Variants in AGAP1 observed in about 807,000 individuals in gnomAD.
AGAP1 encodes arf-GAP with GTPase, ANK repeat and PH domain-containing protein 1.
A neutral mutation model predicts 105.3 loss-of-function variants in AGAP1; 29 were observed. The observed-to-expected ratio is 0.28, with a 90% CI of 0.21 to 0.38. The LOEUF is 0.38. Among genes scored for constraint, AGAP1 ranks in the 10% least tolerant of loss-of-function variants. The pLI is 1.00. For missense variants in AGAP1, 998 were observed against 1,165.1 expected (o/e 0.86, Z 2.09); for synonymous variants, 509 against 485.9 (o/e 1.05, Z -0.63).
chr2:236,119,718 G>A lies in AGAP1; in HGVS notation c.2115-474G>A, dbSNP rs1045921508. On this transcript the variant is annotated intron_variant, in intron 16 of 17. Transcript: ENST00000304032. The surrounding 1 kb of genome is among the most constrained non-coding windows in gnomAD (Gnocchi z 6.6). ...CGGCCCCGGAGACCGTGCTTCCATC[G>A]TGCTGGTCCCAGGCAGTAGGGTGGT... Among the ~76,000 whole-genome samples, 5 of 152,130 alleles carry A rather than the reference G, an allele frequency of 3.3e-5. No individual in the cohort carries two copies. The highest frequency in any genetic ancestry group is 4.8e-5 in the African/African-American group (2 of 41,420).
chr2:235,943,179 C>A (rs1167054349), intron 12 of AGAP1, among the ~76,000 whole-genome samples: 2 of 152,114 alleles, frequency 1.3e-5, no homozygotes, highest in African/African-American at 4.8e-5. Flanking sequence ...CTTTGTATTT[C>A]TGTGGTTTGC....
intron 6 of AGAP1, chr2:235,783,351 T>C (rs1472270536): frequency 2.1e-6 from 1 of 471,418 alleles, no homozygotes; most frequent in Admixed American, 2.3e-5. Flanking sequence ...CTTAATGTTC[T>C]AAAAGCTCTT....
At chr2:235,815,106 C>T (rs1032259806) in intron 9 of AGAP1, among the ~76,000 whole-genome samples, 4 of 152,180 alleles carry the variant, frequency 2.6e-5, no homozygotes, top group African/African-American at 9.6e-5. Context: ...GGAAGTGCCA[C>T]GCTCCCCTTT....
chr2:235,725,084 G>A lies in AGAP1; in HGVS notation c.310+7440G>A, dbSNP rs965860313. On this transcript the variant is annotated intron_variant, in intron 3 of 17. Coordinates refer to ENST00000304032, the MANE Select transcript of AGAP1 (RefSeq NM_001037131.3). This position sits in a 1 kb window ranked among gnomAD's most constrained non-coding sequence, Gnocchi z 5.7. ...ATTTTCCACTGTGTGTTTGGTTTCT[G>A]TTGCTTGTTCCAAGCTGCTGACGCG... is the stretch of plus-strand genomic sequence containing the variant. Among the ~76,000 whole-genome samples, 2 of 152,174 alleles carry A rather than the reference G, an allele frequency of 1.3e-5. No homozygotes were observed. Among genetic ancestry groups the A allele is most frequent in the African/African-American group, 4.8e-5 (2 of 41,448 alleles).
Position 235,712,806 on chromosome 2 carries a change from G to A in AGAP1, c.222+3569G>A, listed in dbSNP as rs183456929. Among the ~76,000 whole-genome samples the A allele has an allele frequency of 3.9e-5, 6 of 152,290 alleles. No individual in the cohort carries two copies. The highest frequency in any genetic ancestry group is 3.4e-3 in the Middle Eastern group (1 of 294). Reference sequence around the variant, plus strand: ...TCCTCCTCATGTAGCTCTTTGGCTCGCTCTGGATTGATTTCCTCCGTCTTG... The same window carrying A: ...TCCTCCTCATGTAGCTCTTTGGCTCACTCTGGATTGATTTCCTCCGTCTTG... On this transcript the variant is annotated intron_variant, in intron 2 of 17. Transcript: ENST00000304032. The surrounding 1 kb of genome is among the most constrained non-coding windows in gnomAD (Gnocchi z 6.0).
intron 15 of AGAP1, among the ~76,000 whole-genome samples, chr2:236,047,894 C>T (rs887323633): frequency 2.2e-4 from 33 of 151,962 alleles, no homozygotes; most frequent in Non-Finnish European, 4.1e-4. Context: ...GAGCCACCAC[C>T]GCACCCAGCC....
chr2:235,965,396 G>T lies in AGAP1; in HGVS notation c.1484-3066G>T, dbSNP rs1025877093. On this transcript the variant is annotated intron_variant, in intron 12 of 17. Transcript: ENST00000304032. The surrounding 1 kb of genome is among the most constrained non-coding windows in gnomAD (Gnocchi z 5.8). Reference sequence around the variant, plus strand: ...GGAAAGGAAGTCTTACGGGGGCGAAGGAAGGCACAGTGAAACAGTGTGCCG... The same window carrying T: ...GGAAAGGAAGTCTTACGGGGGCGAATGAAGGCACAGTGAAACAGTGTGCCG... Among the ~76,000 whole-genome samples the T allele has an allele frequency of 3.3e-5, 5 of 152,206 alleles. No homozygotes were observed. The highest frequency in any genetic ancestry group is 1.2e-4 in the African/African-American group (5 of 41,448).
chr2:236,029,102 A>T lies in AGAP1; in HGVS notation c.1646-7459A>T, dbSNP rs539633917. 9.3e-5 allele frequency among the ~76,000 whole-genome samples: 14 copies of T among 150,960 alleles called. No homozygotes were observed. The South Asian group carries it at 2.9e-3, about 32-fold the overall frequency. On this transcript the variant is annotated intron_variant, in intron 13 of 17. Transcript: ENST00000304032. Reference sequence around the variant, plus strand: ...TCGTAACTCCCATGTCCTCACCGCTACTCTCACGTTCTCCAGCATTTTGAC... The same window carrying T: ...TCGTAACTCCCATGTCCTCACCGCTTCTCTCACGTTCTCCAGCATTTTGAC...
chr2:235,972,759 GT>G (rs1311155425), intron 13 of AGAP1, among the ~76,000 whole-genome samples: 1 of 152,088 alleles, frequency 6.6e-6, no homozygotes, highest in East Asian at 1.9e-4. Flanking sequence ...TAGAGTGTTC[GT>G]GCCTTTCACA....
intron 16 of AGAP1, among the ~76,000 whole-genome samples, chr2:236,111,789 CAAAA>C (rs3030776): frequency 9.9e-4 from 119 of 120,266 alleles, no homozygotes; most frequent in Middle Eastern, 4.2e-3. Flanking sequence ...GACTCTATCT[CAAAA>C]AAAAAAAAAA....
chr2:236,095,913 C>G lies in AGAP1; in HGVS notation c.2115-24279C>G, dbSNP rs1487924003. ...TCTCCATAGAGAAGAAGTTCACATT[C>G]CTTTTCTGTGTGACGCTGCTCTTTT... is the stretch of plus-strand genomic sequence containing the variant. On this transcript the variant is annotated intron_variant, in intron 16 of 17. Coordinates refer to ENST00000304032, the MANE Select transcript of AGAP1 (RefSeq NM_001037131.3). The surrounding 1 kb of genome is among the most constrained non-coding windows in gnomAD (Gnocchi z 4.1). Among the ~76,000 whole-genome samples the G allele has an allele frequency of 6.6e-6, 1 of 152,126 alleles. No homozygotes were observed. The highest frequency in any genetic ancestry group is 1.5e-5 in the Non-Finnish European group (1 of 68,042).
rs907550799 is a variant in AGAP1, at chr2:235,916,876, G to A, written c.1324+7970G>A. ...TAGGGCTTAGACTTCACAAACCCAT[G>A]CTCCCCAACAGACAGCATCCCACTA... On this transcript the variant is annotated intron_variant, in intron 11 of 17. Coordinates refer to ENST00000304032, the MANE Select transcript of AGAP1 (RefSeq NM_001037131.3). Among the ~76,000 whole-genome samples, 4 of 152,158 alleles carry A rather than the reference G, an allele frequency of 2.6e-5. 1 individual carries two copies. Among genetic ancestry groups the A allele is most frequent in the Non-Finnish European group, 1.5e-5 (1 of 68,032 alleles).
chr2:235,811,717 C>T lies in AGAP1; in HGVS notation c.1050+4386C>T, dbSNP rs375803356. On this transcript the variant is annotated intron_variant, in intron 9 of 17. Transcript: ENST00000304032. ...ACGACCGCTCCCTGTCATGCAGACC[C>T]CTCAGAGGGGCCGCCCCCGGCCCGG... is the stretch of plus-strand genomic sequence containing the variant. 1.2e-3 allele frequency among the ~76,000 whole-genome samples: 180 copies of T among 152,306 alleles called. 1 individual carries two copies. In the East Asian group the frequency reaches 0.017, roughly 14 times the overall value.
intron 6 of AGAP1, among the ~76,000 whole-genome samples, chr2:235,780,995 T>A (rs532531095): frequency 6.6e-6 from 1 of 152,300 alleles, no homozygotes; most frequent in East Asian, 1.9e-4. Context: ...TGCTAAATAT[T>A]CTCTGGACAA....
chr2:235,764,696 G>A (rs1297700940), intron 6 of AGAP1, among the ~76,000 whole-genome samples: 2 of 149,216 alleles, frequency 1.3e-5, no homozygotes, highest in Non-Finnish European at 3.0e-5. Context: ...GCGCCCGTGG[G>A]GTGGGGGCAT....
intron 6 of AGAP1, chr2:235,783,282 T>G (rs188640449): frequency 9.1e-5 from 42 of 463,002 alleles, no homozygotes; most frequent in African/African-American, 8.0e-4. Context: ...AGAGTCATTA[T>G]AACCTTTTAC....
rs13387472 is a variant in AGAP1, at chr2:236,104,843, G to C, written c.2115-15349G>C. Among the ~76,000 whole-genome samples, 3 of 152,036 alleles carry C rather than the reference G, an allele frequency of 2.0e-5. No individual in the cohort carries two copies. The highest frequency in any genetic ancestry group is 2.9e-5 in the Non-Finnish European group (2 of 68,006). ...GGACCCGGGAGGCGGAGGTAGCAGT[G>C]AGCCCAAGTTCATGCCACTGCACTG... On this transcript the variant is annotated intron_variant, in intron 16 of 17. Transcript: ENST00000304032. This position sits in a 1 kb window ranked among gnomAD's most constrained non-coding sequence, Gnocchi z 4.7.
chr2:235,862,356 G>A (rs2048961378), intron 9 of AGAP1, among the ~76,000 whole-genome samples: 1 of 152,224 alleles, frequency 6.6e-6, no homozygotes, highest in African/African-American at 2.4e-5. Context: ...CATCAAAGTG[G>A]CGGTGGTAGT....
chr2:235,825,863 C>A (rs1279211036), intron 9 of AGAP1, among the ~76,000 whole-genome samples: 1 of 152,142 alleles, frequency 6.6e-6, no homozygotes, highest in Non-Finnish European at 1.5e-5. Flanking sequence ...AAAAGAGTGT[C>A]ATTGGATTGT....
Sources: gnomAD v4.1 joint callset for allele counts (sites outside exome capture counted in the v4.1 genomes callset) on GRCh38, gnomAD v4.1.1 for gene constraint, Gnocchi (gnomAD v3.1) non-coding constraint, MANE v1.5 for transcripts, NCBI Gene and HGNC (gene_info 2026-07-23, HGNC 2026-07-21) for gene names.